PRKN: variants seen among roughly 807,000 people sequenced by gnomAD.
The protein encoded by PRKN is parkin RBR E3 ubiquitin protein ligase.
In PRKN, 56 loss-of-function variants were observed where a neutral mutation model predicts 59.5. The observed-to-expected ratio is 0.94, with a 90% CI of 0.76 to 1.18. PRKN has a LOEUF of 1.18. Ranked by LOEUF, PRKN falls within the 50% of genes most tolerant of loss-of-function variation. The pLI is 0.00. For synonymous variants in PRKN, 250 were observed against 222.1 expected (o/e 1.13, Z -1.12); for missense variants, 657 against 596.4 (o/e 1.10, Z -1.06).
In PRKN at chr6:161,445,000, G is replaced by GC. The variant is rs1554261968; in HGVS notation, c.1084-58124_1084-58123insG. The stretch of plus-strand genomic sequence containing the variant: ...GGCATTTGGCACAATATCTTTTTTT[G>GC]TTTTTTTAATCTCTAGGTAACCAAC... On this transcript the variant is annotated intron_variant, in intron 9 of 11. Transcript: ENST00000366898. The surrounding 1 kb of genome is among the most constrained non-coding windows in gnomAD (Gnocchi z 5.6). Among the ~76,000 whole-genome samples the GC allele has an allele frequency of 2.6e-5, 4 of 151,326 alleles. No individual in the cohort carries two copies. The highest frequency in any genetic ancestry group is 9.8e-5 in the African/African-American group (4 of 40,890).
chr6:162,195,096 C>G (rs1446717329), intron 4 of PRKN, among the ~76,000 whole-genome samples: 1 of 152,092 alleles, frequency 6.6e-6, no homozygotes, highest in East Asian at 1.9e-4. Flanking sequence ...ACACAGAAAC[C>G]AGCTTCGCTG....
chr6:161,495,905 A>C (rs1777730441), intron 9 of PRKN, among the ~76,000 whole-genome samples: 1 of 152,148 alleles, frequency 6.6e-6, no homozygotes, highest in African/African-American at 2.4e-5. Flanking sequence ...ACTAGGTTAC[A>C]GCCCTCACTC....
chr6:161,805,237 C>T lies in PRKN; in HGVS notation c.735-19329G>A, dbSNP rs186558355. Among the ~76,000 whole-genome samples, 6 of 152,226 alleles carry T rather than the reference C, an allele frequency of 3.9e-5. No homozygotes were observed. The East Asian group carries it at 9.7e-4, about 25-fold the overall frequency. On this transcript the variant is annotated intron_variant, in intron 6 of 11. Transcript: ENST00000366898. The stretch of plus-strand genomic sequence containing the variant: ...CCCCAAGTCAATAAATCCCCTCTGT[C>T]GCCTCAACTTGAAACTGCCTGTTCT...
chr6:162,338,242 G>C (rs918513379), intron 2 of PRKN, among the ~76,000 whole-genome samples: 1 of 151,684 alleles, frequency 6.6e-6, no homozygotes, highest in African/African-American at 2.4e-5. Context: ...CTGAAAAAGA[G>C]TGTTCTCTCC....
At chr6:161,515,811 C>A (rs1276917577) in intron 9 of PRKN, among the ~76,000 whole-genome samples, 1 of 152,078 alleles carries the variant, frequency 6.6e-6, no homozygotes, top group Non-Finnish European at 1.5e-5. Context: ...ATGGCAATCA[C>A]CACCATTTGA....
chr6:162,424,149 G>A (rs551343936), intron 2 of PRKN, among the ~76,000 whole-genome samples: 3 of 152,278 alleles, frequency 2.0e-5, no homozygotes, highest in East Asian at 3.9e-4. Context: ...GAAAGAAGGC[G>A]ATATGAAGAG....
intron 1 of PRKN, among the ~76,000 whole-genome samples, chr6:162,624,039 G>A (rs779792445): frequency 1.3e-5 from 2 of 151,918 alleles, no homozygotes; most frequent in African/African-American, 4.8e-5. Context: ...ACCTGAGGTC[G>A]GGAGGTCGAG....
At position 161,349,856 on chromosome 6, in the gene PRKN, C is replaced by A. The variant is rs537129880; in HGVS notation, c.*243G>T. The A allele has an allele frequency of 1.9e-5, 11 of 575,894 alleles. No individual in the cohort carries two copies. The highest frequency in any genetic ancestry group is 1.9e-4 in the African/African-American group (10 of 53,862). 35.7% of individuals were successfully genotyped at this position (575,894 alleles called of 1,614,324 possible). A position where few individuals can be genotyped will look rare whatever the true frequency, so the allele number is the denominator to read the frequency against. On this transcript the variant is annotated 3_prime_UTR_variant, in exon 12 of 12. Coordinates refer to ENST00000366898, the MANE Select transcript of PRKN (RefSeq NM_004562.3). The surrounding 1 kb of genome is among the most constrained non-coding windows in gnomAD (Gnocchi z 5.5). ...AGATGGCTCTGCTGTCTTGTGTGGA[C>A]AAACTGAAAGGGATTCAGGAGCTTC...
chr6:161,941,441 C>T (rs1779563423), intron 6 of PRKN, among the ~76,000 whole-genome samples: 1 of 152,226 alleles, frequency 6.6e-6, no homozygotes, highest in Admixed American at 6.5e-5. Flanking sequence ...TGAAAACTAT[C>T]TCTCTTCTGG....
At chr6:161,537,597 A>G (rs60049713) in intron 9 of PRKN, among the ~76,000 whole-genome samples, 36,972 of 151,654 alleles carry the variant, frequency 0.24, 4,861 homozygotes, top group East Asian at 0.41. Flanking sequence ...GACTACAGGC[A>G]CCCGCCACCA....
chr6:162,461,387 A>G (rs1791153775), intron 1 of PRKN, among the ~76,000 whole-genome samples: 1 of 149,852 alleles, frequency 6.7e-6, no homozygotes, highest in Admixed American at 6.7e-5. Flanking sequence ...CTGTAATACC[A>G]GCTACTCAGG....
chr6:162,515,320 T>C (rs963596819), intron 1 of PRKN, among the ~76,000 whole-genome samples: 1 of 152,142 alleles, frequency 6.6e-6, no homozygotes, highest in African/African-American at 2.4e-5. Flanking sequence ...TGACCTCAGG[T>C]GATCCGCCTG....
intron 1 of PRKN, among the ~76,000 whole-genome samples, chr6:162,645,578 T>C (rs1047863754): frequency 6.6e-6 from 1 of 152,188 alleles, no homozygotes; most frequent in Non-Finnish European, 1.5e-5. Flanking sequence ...CATAGTTGTT[T>C]AGCTGTATGG....
At chr6:162,306,929 A>C (rs1254938745) in intron 2 of PRKN, among the ~76,000 whole-genome samples, 1 of 152,190 alleles carries the variant, frequency 6.6e-6, no homozygotes. Flanking sequence ...TGTTTAACTC[A>C]AGTGAAAATG....
At chr6:162,673,101 T>C (rs1467277042) in intron 1 of PRKN, among the ~76,000 whole-genome samples, 1 of 152,200 alleles carries the variant, frequency 6.6e-6, no homozygotes, top group Non-Finnish European at 1.5e-5. Context: ...ATATTAAATA[T>C]AGTCACTGCC....
rs540102092 is a variant in PRKN, at chr6:161,745,882, G to C, written c.871+39890C>G. On this transcript the variant is annotated intron_variant, in intron 7 of 11. Coordinates refer to ENST00000366898, the MANE Select transcript of PRKN (RefSeq NM_004562.3). ...TCAATTAGGACTGTAATATGATGAA[G>C]CTAAGAACAGATTATTTTGCAGACT... 3.3e-5 allele frequency among the ~76,000 whole-genome samples: 5 copies of C among 152,338 alleles called. No homozygotes were observed. In the South Asian group the frequency reaches 1.0e-3, roughly 32 times the overall value.
intron 6 of PRKN, among the ~76,000 whole-genome samples, chr6:161,789,506 T>C (rs1279581684): frequency 6.6e-6 from 1 of 152,178 alleles, no homozygotes; most frequent in Non-Finnish European, 1.5e-5. Context: ...CTCACCTTCA[T>C]ATTCAAAGCC....
chr6:161,599,807 C>G (rs377029493), intron 7 of PRKN, among the ~76,000 whole-genome samples: 26 of 152,252 alleles, frequency 1.7e-4, no homozygotes, highest in African/African-American at 6.0e-4. Context: ...TCAAACACTC[C>G]CAAAGTATTT....
chr6:162,063,224 A>T lies in PRKN; in HGVS notation c.535-9050T>A, dbSNP rs181658035. ...TAATACATATAATTGTAAAATAAGTAATCTCAGAGCTTATAAAGAGCTAAT... is the reference window on the plus strand; with the variant it reads ...TAATACATATAATTGTAAAATAAGTTATCTCAGAGCTTATAAAGAGCTAAT... On this transcript the variant is annotated intron_variant, in intron 4 of 11. Coordinates refer to ENST00000366898, the MANE Select transcript of PRKN (RefSeq NM_004562.3). Among the ~76,000 whole-genome samples, 32 of 152,332 alleles carry T rather than the reference A, an allele frequency of 2.1e-4. 1 individual carries two copies. The East Asian group carries it at 6.2e-3, about 29-fold the overall frequency.
Sources: gnomAD v4.1 joint callset for allele counts (sites outside exome capture counted in the v4.1 genomes callset) on GRCh38, gnomAD v4.1.1 for gene constraint, Gnocchi (gnomAD v3.1) non-coding constraint, MANE v1.5 for transcripts, NCBI Gene and HGNC (gene_info 2026-07-23, HGNC 2026-07-21) for gene names.